MAPK4: variants seen among roughly 807,000 people sequenced by gnomAD.
MAPK4 encodes the protein mitogen-activated protein kinase 4.
Under a neutral mutation model 47.7 loss-of-function variants are expected in MAPK4, and 22 were observed. The ratio of observed to expected loss-of-function variants is 0.46; its 90% CI spans 0.33 to 0.66. The LOEUF (loss-of-function observed/expected upper bound fraction) is 0.66. Ranked by LOEUF, MAPK4 falls within the 30% of genes least tolerant of loss-of-function variation. The pLI, the probability that MAPK4 is intolerant of heterozygous loss-of-function variation, is 0.02. For synonymous variants in MAPK4, 390 were observed against 365.7 expected (o/e 1.07, Z -0.76); for missense variants, 736 against 831.7 (o/e 0.88, Z 1.42).
intron 3 of MAPK4, among the ~76,000 whole-genome samples, chr18:50,719,813 A>G (rs980713068): frequency 1.3e-5 from 2 of 152,198 alleles, no homozygotes; most frequent in Admixed American, 1.3e-4. Flanking sequence ...CTTCAGGCTC[A>G]CTGTCTGTGG....
intron 2 of MAPK4, among the ~76,000 whole-genome samples, chr18:50,708,644 G>A (rs1009236855): frequency 1.3e-5 from 2 of 152,194 alleles, no homozygotes; most frequent in African/African-American, 4.8e-5. Flanking sequence ...CTCTCCACGA[G>A]ACTGTCTGTT....
At chr18:50,578,775 A>G (rs1367306362) in intron 1 of MAPK4, among the ~76,000 whole-genome samples, 1 of 152,226 alleles carries the variant, frequency 6.6e-6, no homozygotes, top group Non-Finnish European at 1.5e-5. Context: ...AGGACACCAC[A>G]GTACTGCTCC....
chr18:50,560,682 C>G (rs1268113919), intron 1 of MAPK4: 1 of 152,574 alleles, frequency 6.6e-6, no homozygotes, highest in African/African-American at 2.4e-5. Context: ...TCCTCCCCTC[C>G]AGCCTCTCCC....
At chr18:50,652,089 G>A (rs887362870) in intron 1 of MAPK4, among the ~76,000 whole-genome samples, 1 of 152,178 alleles carries the variant, frequency 6.6e-6, no homozygotes, top group Non-Finnish European at 1.5e-5. Context: ...TGAGTAAGTG[G>A]GCAGTGTTGT....
At chr18:50,630,275 G>A (rs750716417) in intron 1 of MAPK4, among the ~76,000 whole-genome samples, 5 of 152,140 alleles carry the variant, frequency 3.3e-5, no homozygotes, top group Admixed American at 6.5e-5. Context: ...TGCAACCTCC[G>A]CCTCCTAGGT....
chr18:50,587,283 C>T (rs1439026160), intron 1 of MAPK4, among the ~76,000 whole-genome samples: 1 of 152,176 alleles, frequency 6.6e-6, no homozygotes, highest in African/African-American at 2.4e-5. Context: ...AGCTTGTTTG[C>T]GCCTTCCACT....
intron 1 of MAPK4, among the ~76,000 whole-genome samples, chr18:50,655,145 A>C (rs574639273): frequency 1.4e-4 from 22 of 152,336 alleles, no homozygotes; most frequent in Non-Finnish European, 2.8e-4. Context: ...AGGGAAACAC[A>C]ACCCAGGGTG....
chr18:50,725,743 C>CT (rs148208196), intron 4 of MAPK4, among the ~76,000 whole-genome samples: 1,753 of 151,060 alleles, frequency 0.012, 27 homozygotes, highest in African/African-American at 0.038. Context: ...ACTTGATCCT[C>CT]TGAGTCTGTT....
intron 2 of MAPK4, among the ~76,000 whole-genome samples, chr18:50,701,230 G>A (rs1259564411): frequency 1.4e-5 from 2 of 141,802 alleles, no homozygotes; most frequent in African/African-American, 2.7e-5. Context: ...GCTTACTCTG[G>A]TCAGGGCCAG....
At chr18:50,601,042 G>T (rs1435237494) in intron 1 of MAPK4, among the ~76,000 whole-genome samples, 1 of 149,536 alleles carries the variant, frequency 6.7e-6, no homozygotes, top group Non-Finnish European at 1.5e-5. Flanking sequence ...CAGATCACTT[G>T]AGCCCAGGGA....
chr18:50,636,687 A>G (rs1367393564), intron 1 of MAPK4, among the ~76,000 whole-genome samples: 3 of 152,174 alleles, frequency 2.0e-5, no homozygotes, highest in African/African-American at 7.2e-5. Context: ...GAACCTTTCA[A>G]TGTTTCCTAA....
chr18:50,720,287 T>C (rs759534473), intron 3 of MAPK4, among the ~76,000 whole-genome samples: 1 of 152,160 alleles, frequency 6.6e-6, no homozygotes, highest in African/African-American at 2.4e-5. Flanking sequence ...GCAAAGGAAG[T>C]CAAGAGTTAT....
intron 1 of MAPK4, among the ~76,000 whole-genome samples, chr18:50,586,736 T>TA (rs1193375551): frequency 6.6e-6 from 1 of 152,028 alleles, no homozygotes; most frequent in Non-Finnish European, 1.5e-5. Flanking sequence ...GTGTAGAAAA[T>TA]AAAAAAGGGT....
chr18:50,573,933 G>A (rs2149359616), intron 1 of MAPK4, among the ~76,000 whole-genome samples: 1 of 152,174 alleles, frequency 6.6e-6, no homozygotes, highest in Middle Eastern at 3.4e-3. Context: ...TTTTACAGAG[G>A]GGAAAACTGA....
intron 3 of MAPK4, among the ~76,000 whole-genome samples, chr18:50,718,007 C>T (rs1910731147): frequency 6.6e-6 from 1 of 152,190 alleles, no homozygotes; most frequent in Non-Finnish European, 1.5e-5. Context: ...ACAAGGGCCT[C>T]TCCAGGGAAC....
chr18:50,670,753 T>C (rs535225271), intron 2 of MAPK4, among the ~76,000 whole-genome samples: 14 of 109,672 alleles, frequency 1.3e-4, no homozygotes, highest in Admixed American at 2.0e-4. Context: ...TGAGACTCCG[T>C]CTCAAAAAAA....
intron 2 of MAPK4, among the ~76,000 whole-genome samples, chr18:50,711,450 G>T (rs759251829): frequency 6.6e-6 from 1 of 152,264 alleles, no homozygotes; most frequent in Non-Finnish European, 1.5e-5. Context: ...TGCTCTGAGT[G>T]GTGGTCACAG....
chr18:50,708,283 A>G (rs1239979348), intron 2 of MAPK4, among the ~76,000 whole-genome samples: 1 of 152,234 alleles, frequency 6.6e-6, no homozygotes, highest in Non-Finnish European at 1.5e-5. Flanking sequence ...TGTCTGCTTC[A>G]GCGGGACCTC....
intron 1 of MAPK4, among the ~76,000 whole-genome samples, chr18:50,608,312 G>T (rs943587493): frequency 1.3e-5 from 2 of 152,224 alleles, no homozygotes; most frequent in Non-Finnish European, 2.9e-5. Flanking sequence ...TAGATAAGAT[G>T]TCAATTATAA....
Sources: allele counts gnomAD v4.1 joint callset (sites outside exome capture counted in the v4.1 genomes callset), GRCh38; gene constraint gnomAD v4.1.1; transcripts MANE v1.5; gene names NCBI Gene and HGNC (gene_info 2026-07-23, HGNC 2026-07-21).